The following MYLK variants were observed in gnomAD, a reference collection of about 807,000 sequenced individuals.
The protein encoded by MYLK is myosin light chain kinase, smooth muscle.
A neutral mutation model predicts 203.4 loss-of-function variants in MYLK; 106 were observed. The ratio of observed to expected loss-of-function variants is 0.52; its 90% CI spans 0.45 to 0.61. The LOEUF is 0.61. Among genes scored for constraint, MYLK ranks in the 20% least tolerant of loss-of-function variants. The probability of loss-of-function intolerance (pLI) is 0.00; values close to 1 mark genes in which losing one functional copy is unlikely to be tolerated. For missense variants in MYLK, 2,072 were observed against 2,442.3 expected (o/e 0.85, Z 3.20); for synonymous variants, 867 against 959.5 (o/e 0.90, Z 1.78).
At chr3:123,787,160 C>T (rs1023492209) in intron 4 of MYLK, among the ~76,000 whole-genome samples, 3 of 152,130 alleles carry the variant, frequency 2.0e-5, no homozygotes, top group African/African-American at 7.2e-5. Context: ...ATCCTATAAC[C>T]ATGGCTCTTC....
In MYLK at chr3:123,881,778, G is replaced by A. The variant is rs142139832; in HGVS notation, c.-186+2428C>T. 9.6e-4 allele frequency among the ~76,000 whole-genome samples: 146 copies of A among 152,266 alleles called. 1 individual carries two copies. Among genetic ancestry groups the A allele is most frequent in the East Asian group, 2.9e-3 (15 of 5,188 alleles). On this transcript the variant is annotated intron_variant, in intron 1 of 33. Coordinates refer to ENST00000360304, the MANE Select transcript of MYLK (RefSeq NM_053025.4). The stretch of plus-strand genomic sequence containing the variant: ...ACACTGAGTATATGGTGACCCCAGC[G>A]CATTCACAATCTATGCCTCTGAGAC...
intron 6 of MYLK, among the ~76,000 whole-genome samples, chr3:123,739,695 T>TAATC (rs2062798874): frequency 6.6e-6 from 1 of 152,226 alleles, no homozygotes; most frequent in South Asian, 2.1e-4. Context: ...ACTATTGCCT[T>TAATC]GATTGTTAGA....
rs564853316 is a variant in MYLK, at chr3:123,693,307, G to A, written c.3449-456C>T. ...CCACTTTGTTTACAGCAGTGATGCTGTGACTGCATTCTGGAAAAGGGAGCT... is the reference window on the plus strand; with the variant it reads ...CCACTTTGTTTACAGCAGTGATGCTATGACTGCATTCTGGAAAAGGGAGCT... On this transcript the variant is annotated intron_variant, in intron 18 of 33. Coordinates refer to ENST00000360304, the MANE Select transcript of MYLK (RefSeq NM_053025.4). Among the ~76,000 whole-genome samples, 4 of 152,326 alleles carry A rather than the reference G, an allele frequency of 2.6e-5. No individual in the cohort carries two copies. The South Asian group carries it at 8.3e-4, about 32-fold the overall frequency.
chr3:123,673,881 T>C (rs113697816), intron 20 of MYLK, among the ~76,000 whole-genome samples: 15 of 152,308 alleles, frequency 9.8e-5, no homozygotes, highest in African/African-American at 2.6e-4. Flanking sequence ...GAGCACGCCC[T>C]ACTCAGGCTG....
At position 123,635,219 on chromosome 3, in the gene MYLK, T is replaced by C. The variant is rs866163849; in HGVS notation, c.4961+2852A>G. Among the ~76,000 whole-genome samples, 6 of 152,174 alleles carry C rather than the reference T, an allele frequency of 3.9e-5. No homozygotes were observed. The South Asian group carries it at 6.2e-4, about 16-fold the overall frequency. On this transcript the variant is annotated intron_variant, in intron 29 of 33. Coordinates refer to ENST00000360304, the MANE Select transcript of MYLK (RefSeq NM_053025.4). The stretch of plus-strand genomic sequence containing the variant: ...GATGACTAGGCTCCAAAGAGAGGGA[T>C]AGAGTGGGCCAGAGGATGCCATGAG...
At chr3:123,615,653 C>T (rs1407986785) in intron 33 of MYLK, among the ~76,000 whole-genome samples, 1 of 144,434 alleles carries the variant, frequency 6.9e-6, no homozygotes, top group Non-Finnish European at 1.5e-5. Flanking sequence ...AATTTTCTAT[C>T]TTTTTTTTTT....
At chr3:123,661,228 G>A (rs1035320038) in intron 23 of MYLK, among the ~76,000 whole-genome samples, 19 of 152,202 alleles carry the variant, frequency 1.2e-4, no homozygotes, top group Admixed American at 9.2e-4. Context: ...GCTGGGCATC[G>A]TGGGGGCTGG....
At chr3:123,785,508 T>G (rs1333090042) in intron 4 of MYLK, among the ~76,000 whole-genome samples, 1 of 152,234 alleles carries the variant, frequency 6.6e-6, no homozygotes, top group Non-Finnish European at 1.5e-5. Flanking sequence ...ACAATGAAGA[T>G]GAAGGACAAA....
intron 24 of MYLK, among the ~76,000 whole-genome samples, chr3:123,654,202 G>A (rs1001433911): frequency 1.3e-5 from 2 of 152,162 alleles, no homozygotes; most frequent in Non-Finnish European, 2.9e-5. Flanking sequence ...GGCTCAACGG[G>A]TAAAGGCCGC....
At position 123,824,597 on chromosome 3, in the gene MYLK, A is replaced by G. The variant is rs78026869; in HGVS notation, c.-4+6951T>C. Among the ~76,000 whole-genome samples, 310 of 152,314 alleles carry G rather than the reference A, an allele frequency of 2.0e-3. 1 individual carries two copies. The highest frequency in any genetic ancestry group is 6.9e-3 in the African/African-American group (286 of 41,568). ...TCTGGGGAAGGGGACTGAATTTTTC[A>G]TAGAAACAATAACGTAAGAGATGGT... is the stretch of plus-strand genomic sequence containing the variant. On this transcript the variant is annotated intron_variant, in intron 3 of 33. Coordinates refer to ENST00000360304, the MANE Select transcript of MYLK (RefSeq NM_053025.4).
chr3:123,612,288 T>C lies in MYLK; in HGVS notation c.*1817A>G, dbSNP rs1343009784. On this transcript the variant is annotated 3_prime_UTR_variant, in exon 34 of 34. Coordinates refer to ENST00000360304, the MANE Select transcript of MYLK (RefSeq NM_053025.4). ...GGTAGCATGGAAAGAAAGAGAAGTC[T>C]GCAAAGATTGAACAAACAGCATGCA... The C allele has an allele frequency of 1.3e-5, 2 of 152,656 alleles. No homozygotes were observed. Among genetic ancestry groups the C allele is most frequent in the Admixed American group, 6.5e-5 (1 of 15,272 alleles). The allele number at this position is 152,656 out of a possible 1,614,324, so 9.5% of individuals were successfully genotyped here. A position where few individuals can be genotyped will look rare whatever the true frequency, so the allele number is the denominator to read the frequency against.
In MYLK at chr3:123,700,891, A is replaced by C. The variant is rs1376042187; in HGVS notation, c.2577T>G (p.Gly859=). Residue 859 remains glycine (G), a synonymous_variant, in exon 18 of 34, where the codon GGT becomes GGG. Transcript: ENST00000360304. ...CCTCGCCGTCTTCCTCCTCTAGCCA[A>C]CCCTGCCCTCTTGCTGGCCAGCCAG... is the stretch of plus-strand genomic sequence containing the variant. ...LRPGWPARGQ[G]WLEEEDGEDV... is the part of the protein sequence containing the mutation. 2 of 1,611,872 alleles carry C rather than the reference A, an allele frequency of 1.2e-6. No individual in the cohort carries two copies. The highest frequency in any genetic ancestry group is 1.7e-6 in the Non-Finnish European group (2 of 1,179,764).
Position 123,843,191 on chromosome 3 carries a change from G to A in MYLK, c.-126-11521C>T, listed in dbSNP as rs2066634418. Among the ~76,000 whole-genome samples, 3 of 152,314 alleles carry A rather than the reference G, an allele frequency of 2.0e-5. No individual in the cohort carries two copies. The South Asian group carries it at 6.2e-4, about 32-fold the overall frequency. ...AGCAAACTGAAGTCTAAACCATGTT[G>A]TCAAAGCAAAGATGCCGAAGACCAG... On this transcript the variant is annotated intron_variant, in intron 2 of 33. Transcript: ENST00000360304.
At chr3:123,659,775 G>A (rs549732842) in intron 23 of MYLK, 2 of 481,264 alleles carry the variant, frequency 4.2e-6, no homozygotes, top group South Asian at 3.1e-5. Context: ...GGAGACCCTG[G>A]GCATCTCTGG....
intron 3 of MYLK, among the ~76,000 whole-genome samples, chr3:123,810,697 G>A (rs1007845358): frequency 6.6e-6 from 1 of 152,202 alleles, no homozygotes; most frequent in African/African-American, 2.4e-5. Flanking sequence ...CCAGCTGCAT[G>A]CAATGCCTGT....
intron 29 of MYLK, among the ~76,000 whole-genome samples, chr3:123,632,841 A>G (rs190592349): frequency 1.2e-4 from 14 of 119,770 alleles, no homozygotes; most frequent in African/African-American, 1.5e-4. Flanking sequence ...GTCTTGTTCT[A>G]TTGCCCAGGT....
At chr3:123,863,220 C>G (rs1318044080) in intron 2 of MYLK, among the ~76,000 whole-genome samples, 2 of 152,046 alleles carry the variant, frequency 1.3e-5, no homozygotes, top group African/African-American at 4.8e-5. Flanking sequence ...CTACTTCACA[C>G]TATACACAAA....
intron 2 of MYLK, among the ~76,000 whole-genome samples, chr3:123,839,255 TA>T (rs1195294643): frequency 6.6e-6 from 1 of 152,118 alleles, no homozygotes; most frequent in East Asian, 1.9e-4. Context: ...CTACATGAAT[TA>T]AAGATTGTTA....
intron 5 of MYLK, among the ~76,000 whole-genome samples, chr3:123,748,624 C>T (rs763937019): frequency 1.3e-4 from 19 of 151,974 alleles, no homozygotes; most frequent in Non-Finnish European, 2.2e-4. Flanking sequence ...ATTTTTATAT[C>T]GCTTATACAT....
Sources: allele counts gnomAD v4.1 joint callset (sites outside exome capture counted in the v4.1 genomes callset), GRCh38; gene constraint gnomAD v4.1.1; transcripts MANE v1.5; gene names NCBI Gene and HGNC (gene_info 2026-07-23, HGNC 2026-07-21).